Variants in DOP1B observed in about 807,000 individuals in gnomAD.
DOP1B encodes the protein protein DOP1B.
In DOP1B, 174 loss-of-function variants were observed where a neutral mutation model predicts 233.5. That is an observed-to-expected ratio of 0.75 (90% CI 0.66 to 0.85). DOP1B has a LOEUF of 0.85. Ranked by LOEUF, DOP1B falls within the 40% of genes least tolerant of loss-of-function variation. The pLI is 0.00. For synonymous variants in DOP1B, 1,190 were observed against 1,185.6 expected (o/e 1.00, Z -0.08); for missense variants, 2,652 against 2,846.6 (o/e 0.93, Z 1.56).
At chr21:36,182,173 G>A (rs2123432555) in intron 2 of DOP1B, among the ~76,000 whole-genome samples, 1 of 152,260 alleles carries the variant, frequency 6.6e-6, no homozygotes, top group South Asian at 2.1e-4. Flanking sequence ...AAGGAGCCCG[G>A]AATTGGAGCA....
intron 2 of DOP1B, among the ~76,000 whole-genome samples, chr21:36,172,693 G>A (rs1243595915): frequency 1.3e-5 from 2 of 152,106 alleles, no homozygotes; most frequent in African/African-American, 4.8e-5. Flanking sequence ...CCTCAGCCTG[G>A]AGCTCTTGCA....
chr21:36,249,790 G>A (rs981789960), intron 21 of DOP1B, among the ~76,000 whole-genome samples: 1 of 152,314 alleles, frequency 6.6e-6, no homozygotes, highest in South Asian at 2.1e-4. Context: ...GGTGCCAGAT[G>A]TGGCCGCAGG....
chr21:36,251,803 G>A (rs189403713), intron 22 of DOP1B, among the ~76,000 whole-genome samples: 15 of 152,314 alleles, frequency 9.8e-5, no homozygotes, highest in East Asian at 3.9e-4. Context: ...AGGGAAGAGC[G>A]CACCTGACTT....
At chr21:36,221,384 A>T (rs2066620849) in intron 10 of DOP1B, among the ~76,000 whole-genome samples, 1 of 151,778 alleles carries the variant, frequency 6.6e-6, no homozygotes, top group Admixed American at 6.6e-5. Context: ...AGTCCCAGCT[A>T]CTTGGGAGGC....
chr21:36,225,985 A>C (rs905518886), intron 12 of DOP1B, among the ~76,000 whole-genome samples: 1 of 152,008 alleles, frequency 6.6e-6, no homozygotes, highest in Non-Finnish European at 1.5e-5. Context: ...TCCTAGTTAA[A>C]ATTGTGCTGT....
At position 36,251,251 on chromosome 21, in the gene DOP1B, CAGAA is replaced by C; in HGVS notation, c.5095_5098del (p.Lys1699ProfsTer7). On this transcript the variant is annotated frameshift_variant, in exon 22 of 37. Coordinates refer to ENST00000691173, the MANE Select transcript of DOP1B (RefSeq NM_001320714.2). LOFTEE classifies it high-confidence loss of function. Reference sequence around the variant, plus strand: ...CAGCGGCTGTTGCGGCAGTGTGGAGCAGAAAGAAAGCCCAGCGTCACAGTAAGAT... The same window carrying C: ...CAGCGGCTGTTGCGGCAGTGTGGAGCAGAAAGCCCAGCGTCACAGTAAGAT... 1 of 1,613,714 alleles carries C rather than the reference CAGAA, an allele frequency of 6.2e-7. No homozygotes were observed. The highest frequency in any genetic ancestry group is 8.5e-7 in the Non-Finnish European group (1 of 1,179,918).
rs1186478752 is a variant in DOP1B at position 36,270,131 on chromosome 21, A to C, written c.5606A>C (p.Glu1869Ala). 1.2e-6 allele frequency: 2 copies of C among 1,614,084 alleles called. No homozygotes were observed. The highest frequency in any genetic ancestry group is 4.5e-5 in the East Asian group (2 of 44,872). ...VKAQPQASLE[E>A]SDAEEDLYDA... ...GCCCAACCTCAGGCCTCTCTAGAAG[A>C]ATCTGATGCTGAGGAGGACCTGTAT... Residue 1869 changes from glutamate to alanine, a missense_variant, in exon 27 of 37, where the codon GAA becomes GCA. Physicochemically the swap from Glu to Ala is moderately radical, Grantham distance 107. Coordinates refer to ENST00000691173, the MANE Select transcript of DOP1B (RefSeq NM_001320714.2).
intron 27 of DOP1B, among the ~76,000 whole-genome samples, chr21:36,274,955 C>G (rs1201393973): frequency 1.7e-5 from 2 of 119,832 alleles, no homozygotes; most frequent in African/African-American, 6.1e-5. Flanking sequence ...AGCAATTCTT[C>G]TGCCTCAGCC....
chr21:36,275,481 G>A (rs899413617), intron 27 of DOP1B, among the ~76,000 whole-genome samples: 3 of 151,946 alleles, frequency 2.0e-5, no homozygotes, highest in African/African-American at 7.3e-5. Context: ...ATTACAGCCT[G>A]TAGTAATGGG....
At chr21:36,211,751 A>G (rs879520516) in intron 6 of DOP1B, 100 bp downstream of exon 6, 13 of 1,367,794 alleles carry the variant, frequency 9.5e-6, no homozygotes, top group East Asian at 2.3e-5. Flanking sequence ...TCAGCCACTC[A>G]TGGGCATTAT....
chr21:36,215,097 A>G (rs1287321274), intron 9 of DOP1B, among the ~76,000 whole-genome samples: 3 of 152,194 alleles, frequency 2.0e-5, no homozygotes, highest in Non-Finnish European at 4.4e-5. Flanking sequence ...AATACCTTTG[A>G]GCTCCTATAG....
intron 11 of DOP1B, among the ~76,000 whole-genome samples, chr21:36,225,252 CAG>C (rs541132993): frequency 2.7e-5 from 4 of 150,236 alleles, no homozygotes; most frequent in Admixed American, 2.7e-4. Context: ...TTTTCTGAGA[CAG>C]AGTCTTGCTC....
chr21:36,264,377 A>C (rs2067209465), intron 26 of DOP1B, among the ~76,000 whole-genome samples: 1 of 152,160 alleles, frequency 6.6e-6, no homozygotes, highest in Non-Finnish European at 1.5e-5. Context: ...ACACCACTGC[A>C]CTTCAGCCTG....
Position 36,245,207 on chromosome 21 carries a change from A to G in DOP1B, c.3227A>G (p.Glu1076Gly). 1 of 1,614,102 alleles carries G rather than the reference A, an allele frequency of 6.2e-7. No individual in the cohort carries two copies. The highest frequency in any genetic ancestry group is 1.3e-5 in the African/African-American group (1 of 75,056). ...TGGGCCGAAGTGGAGAAGGAGCCCG[A>G]GAAGTACCCGCTGCGAGGCGAGCTG... The part of the protein sequence containing the change: ...AIWAEVEKEP[E>G]KYPLRGELSE... Residue 1076 changes from glutamate to glycine, a missense_variant, in exon 19 of 37, where the codon GAG becomes GGG. Glu to Gly is a moderately conservative substitution (Grantham distance 98). Around this residue, in one of 3 missense-constraint regions of DOP1B, gnomAD observed 2,617 missense variants for 2,794.3 expected, o/e 0.94. Coordinates refer to ENST00000691173, the MANE Select transcript of DOP1B (RefSeq NM_001320714.2). This position sits in a 1 kb window ranked among gnomAD's most constrained non-coding sequence, Gnocchi z 5.5.
At position 36,255,387 on chromosome 21, in the gene DOP1B, G is replaced by A. The variant is rs547004128; in HGVS notation, c.5259+1478G>A. 2.2e-3 allele frequency among the ~76,000 whole-genome samples: 334 copies of A among 151,162 alleles called. 1 individual carries two copies. The highest frequency in any genetic ancestry group is 2.8e-3 in the Non-Finnish European group (192 of 67,774). On this transcript the variant is annotated intron_variant, in intron 23 of 36. Transcript: ENST00000691173. ...TGAACTCCACTTGCCTTGGCCTCCC[G>A]AAGTCCTGGGATTACAGGCGTGAGC...
At position 36,237,304 on chromosome 21, in the gene DOP1B, C is replaced by T. The variant is rs755210078; in HGVS notation, c.2665C>T (p.Arg889Trp). The T allele has an allele frequency of 1.6e-5, 26 of 1,614,040 alleles. 1 individual carries two copies. Among genetic ancestry groups the T allele is most frequent in the Middle Eastern group, 3.3e-4 (2 of 6,084 alleles). The change falls in exon 16 of 37, where the codon CGG (arginine) becomes TGG (tryptophan). Residue 889 changes from arginine (R) to tryptophan (W), a missense_variant. Around this residue, in one of 3 missense-constraint regions of DOP1B, gnomAD observed 2,617 missense variants for 2,794.3 expected, o/e 0.94. Coordinates refer to ENST00000691173, the MANE Select transcript of DOP1B (RefSeq NM_001320714.2). ...VLWNQLNKET[R>W]EHHVTCVELF... ...TTGGAATCAGCTGAACAAAGAGACC[C>T]GGGAGCATCACGTCACCTGCGTAGA... is the stretch of plus-strand genomic sequence containing the variant.
intron 2 of DOP1B, among the ~76,000 whole-genome samples, chr21:36,174,681 G>A (rs556470364): frequency 2.6e-5 from 4 of 152,206 alleles, no homozygotes; most frequent in African/African-American, 9.6e-5. Context: ...GCTAATTTTT[G>A]TATTTTCTTT....
At chr21:36,183,590 C>G (rs1036697963) in intron 2 of DOP1B, among the ~76,000 whole-genome samples, 1 of 152,222 alleles carries the variant, frequency 6.6e-6, no homozygotes, top group Non-Finnish European at 1.5e-5. Flanking sequence ...TGGCTGGGAG[C>G]AGGACGCCTA....
At chr21:36,220,667 A>ATTTT (rs201067094) in intron 10 of DOP1B, among the ~76,000 whole-genome samples, 9 of 134,900 alleles carry the variant, frequency 6.7e-5, no homozygotes, top group African/African-American at 1.1e-4. Flanking sequence ...TGCCCAGCTA[A>ATTTT]TTTTTTTTTT....
Sources: gnomAD v4.1 joint callset for allele counts (sites outside exome capture counted in the v4.1 genomes callset) on GRCh38, gnomAD v4.1.1 for gene constraint, gnomAD v4.1.1 regional missense constraint, Gnocchi (gnomAD v3.1) non-coding constraint, MANE v1.5 for transcripts, NCBI Gene and HGNC (gene_info 2026-07-23, HGNC 2026-07-21) for gene names.